The following IL16 variants were observed in gnomAD, a reference collection of about 807,000 sequenced individuals.
IL16 encodes the protein pro-interleukin-16.
A neutral mutation model predicts 110.1 loss-of-function variants in IL16; 67 were observed. That is an observed-to-expected ratio of 0.61 (90% CI 0.50 to 0.75). The LOEUF is 0.75. Among genes scored for constraint, IL16 ranks in the 30% least tolerant of loss-of-function variants. The probability of loss-of-function intolerance (pLI) is 0.00; values close to 1 mark genes in which losing one functional copy is unlikely to be tolerated. For missense variants in IL16, 1,545 were observed against 1,655.0 expected (o/e 0.93, Z 1.15); for synonymous variants, 689 against 662.9 (o/e 1.04, Z -0.61).
Position 81,313,051 on chromosome 15 carries a change from C to T in IL16, c.*4253C>T. On this transcript the variant is annotated 3_prime_UTR_variant, in exon 19 of 19. Transcript: ENST00000683961. ...GATGGAGTTTGGAACACATGAATGGCTCATCACACGCCAACCCTGAGTGGG... is the reference window on the plus strand; with the variant it reads ...GATGGAGTTTGGAACACATGAATGGTTCATCACACGCCAACCCTGAGTGGG... 1 of 459,534 alleles carries T rather than the reference C, an allele frequency of 2.2e-6. No individual in the cohort carries two copies. 28.5% of individuals were successfully genotyped at this position (459,534 alleles called of 1,614,324 possible).
intron 1 of IL16, among the ~76,000 whole-genome samples, chr15:81,184,511 A>G (rs555077802): frequency 6.6e-6 from 1 of 152,332 alleles, no homozygotes; most frequent in East Asian, 1.9e-4. Flanking sequence ...GAATCCAGGC[A>G]TAACCTTGGG....
At chr15:81,281,606 T>A (rs560406545) in intron 8 of IL16, among the ~76,000 whole-genome samples, 17 of 152,354 alleles carry the variant, frequency 1.1e-4, no homozygotes, top group Admixed American at 5.2e-4. Flanking sequence ...TTCCTCACTT[T>A]CCAGCACATT....
intron 2 of IL16, among the ~76,000 whole-genome samples, chr15:81,228,383 C>T (rs1470740603): frequency 1.3e-5 from 2 of 149,530 alleles, no homozygotes; most frequent in Non-Finnish European, 3.0e-5. Context: ...TACAGGGGTG[C>T]GATCTCAGCT....
intron 12 of IL16, chr15:81,295,518 C>A: frequency 7.8e-7 from 1 of 1,288,646 alleles, no homozygotes; most frequent in Non-Finnish European, 1.0e-6. Flanking sequence ...AGCTCCCAAC[C>A]AGGTGAAATT....
Position 81,313,556 on chromosome 15 carries a change from T to G in IL16, c.*4758T>G. The G allele has an allele frequency of 1.7e-6, 1 of 597,300 alleles. No homozygotes were observed. Among genetic ancestry groups the G allele is most frequent in the African/African-American group, 1.9e-5 (1 of 52,404 alleles). The allele number at this position is 597,300 out of a possible 1,614,324, so 37.0% of individuals were successfully genotyped here. A position where few individuals can be genotyped will look rare whatever the true frequency, so the allele number is the denominator to read the frequency against. ...CTGTGCCCTCCACCCAGGAGTCCTC[T>G]CTGGACCTGCTGATTTTCAGGATGG... On this transcript the variant is annotated 3_prime_UTR_variant, in exon 19 of 19. Transcript: ENST00000683961.
At chr15:81,285,920 C>T (rs778113190) in intron 10 of IL16, 90 bp downstream of exon 10, 1 of 1,412,618 alleles carries the variant, frequency 7.1e-7, no homozygotes, top group Non-Finnish European at 9.9e-7. Flanking sequence ...AGAGATGTTG[C>T]TGGCTGGGTT....
chr15:81,241,267 C>T (rs1054188687), intron 2 of IL16, among the ~76,000 whole-genome samples: 11 of 151,736 alleles, frequency 7.2e-5, no homozygotes, highest in Admixed American at 5.9e-4. Flanking sequence ...TTTAGATATA[C>T]TTATTTATTT....
intron 2 of IL16, among the ~76,000 whole-genome samples, chr15:81,231,347 TCTCTC>T (rs1896972209): frequency 7.2e-6 from 1 of 138,012 alleles, no homozygotes; most frequent in African/African-American, 2.7e-5. Flanking sequence ...TCTCTCTCTC[TCTCTC>T]TCTCTCTCTC....
At chr15:81,231,306 T>C (rs1896963658) in intron 2 of IL16, among the ~76,000 whole-genome samples, 1 of 118,080 alleles carries the variant, frequency 8.5e-6, no homozygotes, top group Admixed American at 9.1e-5. Context: ...GGAGGGGAGA[T>C]CTACCCAAGG....
intron 2 of IL16, among the ~76,000 whole-genome samples, chr15:81,250,801 A>G (rs546692215): frequency 9.7e-4 from 147 of 152,316 alleles, no homozygotes; most frequent in African/African-American, 3.5e-3. Context: ...GGTCATTTCC[A>G]GATTAATTGT....
intron 5 of IL16, 58 bp from the exon 6 acceptor site, chr15:81,273,031 AG>A: frequency 2.2e-6 from 3 of 1,360,624 alleles, no homozygotes; most frequent in Non-Finnish European, 3.1e-6. Flanking sequence ...AGAAGGCATC[AG>A]GCCAATGAGA....
chr15:81,254,338 C>T (rs1035287416), intron 2 of IL16, among the ~76,000 whole-genome samples: 3 of 152,226 alleles, frequency 2.0e-5, no homozygotes, highest in African/African-American at 7.2e-5. Flanking sequence ...GTTTGCAGGA[C>T]ACAATGCCCC....
At chr15:81,184,165 G>A (rs1457400405) in intron 1 of IL16, among the ~76,000 whole-genome samples, 2 of 152,314 alleles carry the variant, frequency 1.3e-5, no homozygotes, top group Admixed American at 1.3e-4. Context: ...GATCTTCGAG[G>A]GTGGGACTTG....
chr15:81,280,445 T>C (rs1899122792), intron 8 of IL16, among the ~76,000 whole-genome samples: 1 of 152,234 alleles, frequency 6.6e-6, no homozygotes, highest in African/African-American at 2.4e-5. Context: ...CTCGATTCTC[T>C]TCTAACTGGA....
intron 1 of IL16, among the ~76,000 whole-genome samples, chr15:81,185,073 T>C (rs928596230): frequency 3.3e-5 from 5 of 152,130 alleles, no homozygotes; most frequent in African/African-American, 1.2e-4. Context: ...AGAGGGAGGC[T>C]CTGCATAGGG....
Position 81,225,486 on chromosome 15 carries a change from G to C in IL16, c.87G>C (p.Lys29Asn), listed in dbSNP as rs955553429. 6 of 1,614,012 alleles carry C rather than the reference G, an allele frequency of 3.7e-6. No individual in the cohort carries two copies. In the African/African-American group the frequency reaches 8.0e-5, roughly 22 times the overall value. The change falls in exon 2 of 19, where the codon AAG becomes AAC. Residue 29 changes from lysine (K) to asparagine (N), a missense_variant. Around this residue, in one of 3 missense-constraint regions of IL16, gnomAD observed 1,185 missense variants for 1,238.8 expected, o/e 0.96. Transcript: ENST00000683961. ...ISRSLMLCNA[K>N]TSDDGSSPDE... ...GGTCCCTGATGCTCTGTAATGCTAA[G>C]ACCAGTGATGATGGCTCTAGCCCTG...
chr15:81,264,614 C>G (rs904405072), intron 3 of IL16, among the ~76,000 whole-genome samples: 1 of 152,188 alleles, frequency 6.6e-6, no homozygotes, highest in South Asian at 2.1e-4. Context: ...TCCATTCACT[C>G]GAGCCTCACT....
chr15:81,183,098 A>G (rs1895369496), intron 1 of IL16, among the ~76,000 whole-genome samples: 1 of 151,006 alleles, frequency 6.6e-6, no homozygotes, highest in African/African-American at 2.5e-5. Context: ...AATAGGACAC[A>G]ATGCCTGTCT....
At chr15:81,247,586 A>G (rs1049042583) in intron 2 of IL16, among the ~76,000 whole-genome samples, 2 of 152,138 alleles carry the variant, frequency 1.3e-5, no homozygotes, top group African/African-American at 4.8e-5. Context: ...AGTTTTCCCC[A>G]TTGGTTCCCT....
Sources: allele counts gnomAD v4.1 joint callset (sites outside exome capture counted in the v4.1 genomes callset), GRCh38; gene constraint gnomAD v4.1.1; regional missense constraint gnomAD v4.1.1; transcripts MANE v1.5; gene names NCBI Gene and HGNC (gene_info 2026-07-23, HGNC 2026-07-21).